AQR: variants seen among roughly 807,000 people sequenced by gnomAD.
The protein encoded by AQR is RNA helicase aquarius.
AQR carries 61 observed loss-of-function variants against 180.5 expected under a neutral mutation model. The ratio of observed to expected loss-of-function variants is 0.34; its 90% CI spans 0.28 to 0.42. AQR has a LOEUF of 0.42. Among genes scored for constraint, AQR ranks in the 10% least tolerant of loss-of-function variants. AQR has a pLI of 1.00. For synonymous variants in AQR, 551 were observed against 588.8 expected, an observed-to-expected ratio of 0.94 and a Z score of 0.93; for missense variants, 1,281 against 1,798.3, an observed-to-expected ratio of 0.71 and a Z score of 5.20.
intron 12 of AQR, 59 bp from the exon 13 acceptor site, chr15:34,927,197 T>G: frequency 1.0e-6 from 1 of 958,546 alleles, no homozygotes; most frequent in Non-Finnish European, 1.5e-6. Context: ...TATAAACATC[T>G]ACTATTTAAG....
intron 14 of AQR, among the ~76,000 whole-genome samples, chr15:34,920,057 G>C (rs1302915569): frequency 1.3e-5 from 2 of 152,140 alleles, no homozygotes; most frequent in African/African-American, 2.4e-5. Flanking sequence ...GAATTTTTAG[G>C]AACTGAAAGA....
At chr15:34,954,941 G>A (rs945884408) in intron 3 of AQR, among the ~76,000 whole-genome samples, 15 of 152,018 alleles carry the variant, frequency 9.9e-5, no homozygotes, top group African/African-American at 2.9e-4. Context: ...TGGACAACAC[G>A]GTGGAATCCC....
intron 12 of AQR, 23 bp from the exon 13 acceptor site, chr15:34,927,161 A>G: frequency 2.2e-6 from 3 of 1,346,818 alleles, no homozygotes; most frequent in Non-Finnish European, 3.1e-6. Flanking sequence ...GGCAAAAAAT[A>G]TTAATAATTA....
chr15:34,949,358 C>A lies in AQR; in HGVS notation c.210-974G>T, dbSNP rs192947586. On this transcript the variant is annotated intron_variant, in intron 4 of 34. Transcript: ENST00000156471. The stretch of plus-strand genomic sequence containing the variant: ...AGGCACAGTGGCTCACGCCTGCAAT[C>A]CCAGCACTTTGGGAGGCCGAGGCAG... 2.8e-3 allele frequency among the ~76,000 whole-genome samples: 418 copies of A among 151,788 alleles called. 1 individual carries two copies. Among genetic ancestry groups the A allele is most frequent in the African/African-American group, 9.5e-3 (396 of 41,472 alleles).
At chr15:34,923,819 T>G (rs1893716377) in intron 13 of AQR, among the ~76,000 whole-genome samples, 1 of 152,248 alleles carries the variant, frequency 6.6e-6, no homozygotes, top group South Asian at 2.1e-4. Context: ...TCTTGATTAC[T>G]ATAGCTTTAC....
intron 26 of AQR, among the ~76,000 whole-genome samples, chr15:34,884,161 C>A (rs1244666444): frequency 6.6e-6 from 1 of 152,078 alleles, no homozygotes; most frequent in Non-Finnish European, 1.5e-5. Flanking sequence ...AATCTCAGCA[C>A]TTTGGGAGGC....
At chr15:34,867,284 C>A (rs6495719) in intron 32 of AQR, among the ~76,000 whole-genome samples, 11,860 of 152,176 alleles carry the variant, frequency 0.078, 522 homozygotes, top group Middle Eastern at 0.12. Context: ...AAAACGCTAT[C>A]TCTGAGGGTT....
intron 18 of AQR, 97 bp from the exon 19 acceptor site, chr15:34,904,602 G>C (rs1383100910): frequency 1.7e-6 from 2 of 1,204,540 alleles, no homozygotes; most frequent in Non-Finnish European, 2.3e-6. Flanking sequence ...TGAGTAAATG[G>C]TTCAGGCTTA....
chr15:34,897,049 C>T, intron 21 of AQR, 83 bp from the exon 22 acceptor site: 1 of 1,096,028 alleles, frequency 9.1e-7, no homozygotes, highest in Non-Finnish European at 1.4e-6. Flanking sequence ...GACCAGTGGT[C>T]TAAATATCTG....
chr15:34,918,804 A>T (rs915593526), intron 14 of AQR, among the ~76,000 whole-genome samples: 2 of 152,244 alleles, frequency 1.3e-5, no homozygotes, highest in African/African-American at 4.8e-5. Flanking sequence ...TAGGTTTTGG[A>T]CTATAGTTTT....
intron 9 of AQR, among the ~76,000 whole-genome samples, chr15:34,936,987 G>A (rs866387059): frequency 6.6e-6 from 1 of 152,176 alleles, no homozygotes; most frequent in Non-Finnish European, 1.5e-5. Context: ...TTAGTGGAAA[G>A]ATTTAGATAT....
intron 10 of AQR, 114 bp from the exon 11 acceptor site, chr15:34,932,548 C>T (rs1893881163): frequency 4.2e-6 from 3 of 712,302 alleles, no homozygotes; most frequent in East Asian, 2.7e-5. Flanking sequence ...ACCCTCCAAC[C>T]TTCCAATAGA....
At chr15:34,948,546 G>A (rs979477970) in intron 4 of AQR, among the ~76,000 whole-genome samples, 162 bp from the exon 5 acceptor site, 13 of 152,130 alleles carry the variant, frequency 8.5e-5, no homozygotes, top group Admixed American at 3.9e-4. Flanking sequence ...GCTCATGCCT[G>A]TAATCCCAGC....
intron 28 of AQR, 127 bp from the exon 29 acceptor site, chr15:34,874,991 C>G: frequency 1.2e-6 from 1 of 853,870 alleles, no homozygotes; most frequent in South Asian, 1.8e-5. Context: ...TTTACCAGCT[C>G]CACAAACAGG....
At chr15:34,967,274 T>C (rs574345239) in intron 1 of AQR, among the ~76,000 whole-genome samples, 2 of 152,274 alleles carry the variant, frequency 1.3e-5, no homozygotes, top group South Asian at 2.1e-4. Flanking sequence ...GGCTCCTTCT[T>C]TGCATTCAGG....
intron 17 of AQR, among the ~76,000 whole-genome samples, chr15:34,907,370 T>C (rs756100375): frequency 6.6e-6 from 1 of 152,230 alleles, no homozygotes; most frequent in Non-Finnish European, 1.5e-5. Context: ...CCCAGCTCTA[T>C]TAAAAGTAGA....
At chr15:34,860,648 C>T (rs953829920) in intron 33 of AQR, among the ~76,000 whole-genome samples, 2 of 152,186 alleles carry the variant, frequency 1.3e-5, no homozygotes, top group African/African-American at 2.4e-5. Context: ...GCTCCAAAGA[C>T]AGTTCTTAAG....
At chr15:34,860,420 A>G (rs993192970) in intron 33 of AQR, among the ~76,000 whole-genome samples, 3 of 152,076 alleles carry the variant, frequency 2.0e-5, no homozygotes, top group African/African-American at 7.2e-5. Flanking sequence ...AAAAAAAAAA[A>G]AAGACTTCAT....
chr15:34,921,433 CA>C (rs71119990), intron 13 of AQR, among the ~76,000 whole-genome samples: 1,840 of 74,890 alleles, frequency 0.025, 20 homozygotes, highest in African/African-American at 0.046. Context: ...GACTCCATCT[CA>C]AAAAAAAAAA....
Sources: gnomAD v4.1 joint callset for allele counts (sites outside exome capture counted in the v4.1 genomes callset) on GRCh38, gnomAD v4.1.1 for gene constraint, MANE v1.5 for transcripts, NCBI Gene and HGNC (gene_info 2026-07-23, HGNC 2026-07-21) for gene names.